Variants in DISC1 observed in about 807,000 individuals in gnomAD.
DISC1 encodes the protein DISC1 scaffold protein, also known as disrupted in schizophrenia 1 protein.
Under a neutral mutation model 84.5 loss-of-function variants are expected in DISC1, and 57 were observed. That is an observed-to-expected ratio of 0.67 (90% CI 0.55 to 0.84). DISC1 has a LOEUF of 0.84. DISC1 is among the 40% of genes least tolerant of loss of function. The probability of loss-of-function intolerance (pLI) is 0.00; values close to 1 mark genes in which losing one functional copy is unlikely to be tolerated. For synonymous variants in DISC1, 411 were observed against 415.2 expected, an observed-to-expected ratio of 0.99 and a Z score of 0.12; for missense variants, 1,000 against 1,057.8, an observed-to-expected ratio of 0.95 and a Z score of 0.76.
chr1:231,830,218 C>T (rs899373509), intron 9 of DISC1, among the ~76,000 whole-genome samples: 1 of 151,972 alleles, frequency 6.6e-6, no homozygotes, highest in African/African-American at 2.4e-5. Flanking sequence ...GGGATTAGGG[C>T]GGCATGGGAA....
chr1:231,662,659 G>A (rs2061655883), intron 1 of DISC1, among the ~76,000 whole-genome samples: 1 of 152,258 alleles, frequency 6.6e-6, no homozygotes, highest in South Asian at 2.1e-4. Context: ...CCTCTCCCTG[G>A]AAACTCGGAC....
intron 11 of DISC1, among the ~76,000 whole-genome samples, chr1:232,020,205 G>A (rs1041302572): frequency 2.6e-5 from 4 of 152,080 alleles, no homozygotes; most frequent in African/African-American, 9.7e-5. Context: ...AGCCTGGCAT[G>A]GTGGTGCATG....
chr1:231,823,679 G>A (rs2081655842), intron 9 of DISC1, among the ~76,000 whole-genome samples: 1 of 152,138 alleles, frequency 6.6e-6, no homozygotes, highest in African/African-American at 2.4e-5. Context: ...GAATACATGT[G>A]CAGGTTCTTT....
intron 9 of DISC1, among the ~76,000 whole-genome samples, chr1:231,908,128 C>T (rs1181383280): frequency 6.6e-6 from 1 of 152,116 alleles, no homozygotes; most frequent in African/African-American, 2.4e-5. Flanking sequence ...TGTACGTTGC[C>T]TGTTCACTCT....
chr1:231,806,855 C>G (rs960826862), intron 8 of DISC1, among the ~76,000 whole-genome samples: 1 of 152,226 alleles, frequency 6.6e-6, no homozygotes. Flanking sequence ...AGCGTCAGTG[C>G]CCTCTAGGGC....
intron 10 of DISC1, among the ~76,000 whole-genome samples, chr1:231,983,379 GA>G (rs1447151015): frequency 6.6e-6 from 1 of 151,158 alleles, no homozygotes; most frequent in Non-Finnish European, 1.5e-5. Flanking sequence ...GAGTGCTGGA[GA>G]AGCCACTGTA....
intron 8 of DISC1, chr1:231,813,389 A>C (rs944170686): frequency 3.9e-5 from 6 of 152,176 alleles, no homozygotes; most frequent in Non-Finnish European, 7.3e-5. Flanking sequence ...AAGGTACAAC[A>C]TTGTACATGT....
intron 3 of DISC1, among the ~76,000 whole-genome samples, chr1:231,712,297 A>G (rs1205904759): frequency 1.3e-5 from 2 of 152,224 alleles, no homozygotes; most frequent in Non-Finnish European, 2.9e-5. Flanking sequence ...GTTTGTGGTA[A>G]TTAGTTATAG....
chr1:231,718,679 GC>G, intron 3 of DISC1, among the ~76,000 whole-genome samples: 1 of 152,156 alleles, frequency 6.6e-6, no homozygotes, highest in East Asian at 1.9e-4. Context: ...CAGGTCATCT[GC>G]CCGCCTCGGC....
chr1:231,905,107 T>G (rs2088528883), intron 9 of DISC1, among the ~76,000 whole-genome samples: 1 of 152,134 alleles, frequency 6.6e-6, no homozygotes, highest in South Asian at 2.1e-4. Context: ...GAGAGCACCT[T>G]AATCAAATTA....
chr1:231,876,323 T>A (rs1293235890), intron 9 of DISC1, among the ~76,000 whole-genome samples: 1 of 152,218 alleles, frequency 6.6e-6, no homozygotes, highest in Admixed American at 6.5e-5. Context: ...GGCCTCTTTT[T>A]GCCTTCTGCC....
intron 1 of DISC1, among the ~76,000 whole-genome samples, chr1:231,660,090 T>C (rs1218164838): frequency 6.6e-6 from 1 of 152,334 alleles, no homozygotes; most frequent in East Asian, 1.9e-4. Context: ...CCCACTATTA[T>C]TGTGTGGGAG....
At chr1:231,930,588 A>G (rs911755624) in intron 9 of DISC1, among the ~76,000 whole-genome samples, 3 of 152,122 alleles carry the variant, frequency 2.0e-5, no homozygotes, top group Admixed American at 6.6e-5. Flanking sequence ...GCAGCCCTCC[A>G]AACCTCTACC....
chr1:231,896,793 G>A (rs1225178104), intron 9 of DISC1, among the ~76,000 whole-genome samples: 1 of 152,176 alleles, frequency 6.6e-6, no homozygotes, highest in African/African-American at 2.4e-5. Flanking sequence ...GCACCATGTC[G>A]TTCAGTAAAT....
rs369952720 is a variant in DISC1 at position 231,713,426 on chromosome 1, C to G, written c.1117+11402C>G. On this transcript the variant is annotated intron_variant, in intron 3 of 12. Coordinates refer to ENST00000439617, the MANE Select transcript of DISC1 (RefSeq NM_018662.3). ...AAAGAACTAATGGAAACCAGAAAAA[C>G]AGTGTATGAACAAAATGAGAAATAA... 3.3e-5 allele frequency among the ~76,000 whole-genome samples: 5 copies of G among 152,002 alleles called. No individual in the cohort carries two copies. The East Asian group carries it at 9.7e-4, about 29-fold the overall frequency.
intron 9 of DISC1, among the ~76,000 whole-genome samples, chr1:231,948,007 G>A (rs889682482): frequency 4.6e-5 from 7 of 152,192 alleles, no homozygotes; most frequent in Non-Finnish European, 8.8e-5. Context: ...TACACTGTTG[G>A]TGGGAGTGTA....
At chr1:231,918,997 T>C (rs538594798) in intron 9 of DISC1, among the ~76,000 whole-genome samples, 2 of 152,356 alleles carry the variant, frequency 1.3e-5, no homozygotes, top group South Asian at 4.1e-4. Context: ...TAACCTTCCA[T>C]GAAGCTCCTC....
intron 1 of DISC1, among the ~76,000 whole-genome samples, chr1:231,627,932 A>G (rs2058394655): frequency 6.6e-6 from 1 of 152,302 alleles, no homozygotes; most frequent in African/African-American, 2.4e-5. Context: ...CTGCATGTCA[A>G]TCCTGGACAT....
chr1:231,641,237 C>T (rs546399823), intron 1 of DISC1, among the ~76,000 whole-genome samples: 41 of 152,318 alleles, frequency 2.7e-4, no homozygotes, highest in African/African-American at 9.6e-4. Context: ...CGGACCCTCG[C>T]GGTGAGTGTT....
Sources: gnomAD v4.1 joint callset for allele counts (sites outside exome capture counted in the v4.1 genomes callset) on GRCh38, gnomAD v4.1.1 for gene constraint, MANE v1.5 for transcripts, NCBI Gene and HGNC (gene_info 2026-07-23, HGNC 2026-07-21) for gene names.